SPMIP6: variants seen among roughly 807,000 people sequenced by gnomAD.
The protein encoded by SPMIP6 is ciliated bronchial epithelial protein 1.
At chr9:34,383,489 A>C in the SPMIP6 span, among the ~76,000 whole-genome samples, 1 of 152,188 alleles carries the variant, frequency 6.6e-6, no homozygotes, top group African/African-American at 2.4e-5. Context: ...ATGCCACTGC[A>C]CTCCAGCCTG....
chr9:34,397,673 A>C, the SPMIP6 span: 1 of 1,542,856 alleles, frequency 6.5e-7, no homozygotes, highest in Admixed American at 1.9e-5. Flanking sequence ...TCTACCTGTC[A>C]AGGGCTCCTG....
At chr9:34,381,089 T>G in the SPMIP6 span, 1 of 1,610,142 alleles carries the variant, frequency 6.2e-7, no homozygotes, top group African/African-American at 1.3e-5. The surrounding 1 kb of genome is among the most constrained non-coding windows in gnomAD (Gnocchi z 4.4). Context: ...CAGCTGCTGG[T>G]TCCGCGACAG....
chr9:34,384,039 A>AAC, the SPMIP6 span, among the ~76,000 whole-genome samples: 1 of 152,164 alleles, frequency 6.6e-6, no homozygotes, highest in Non-Finnish European at 1.5e-5. Flanking sequence ...TCCATGATCC[A>AAC]ACAGTCTGAA....
chr9:34,386,123 T>C, the SPMIP6 span, among the ~76,000 whole-genome samples: 1 of 152,146 alleles, frequency 6.6e-6, no homozygotes, highest in Admixed American at 6.5e-5. Flanking sequence ...TCCTAGACTG[T>C]ATGCTGCCTG....
chr9:34,379,610 T>G, the SPMIP6 span: 16 of 1,575,436 alleles, frequency 1.0e-5, no homozygotes, highest in Non-Finnish European at 1.3e-5. This position sits in a 1 kb window ranked among gnomAD's most constrained non-coding sequence, Gnocchi z 4.2. Flanking sequence ...GCCTTCAGGG[T>G]GCGTGTGCAA....
the SPMIP6 span, chr9:34,381,201 C>A: frequency 1.3e-6 from 2 of 1,556,204 alleles, no homozygotes; most frequent in Non-Finnish European, 1.7e-6. This position sits in a 1 kb window ranked among gnomAD's most constrained non-coding sequence, Gnocchi z 4.4. Context: ...GGCCGAGTCA[C>A]GGACAGAGTG....
chr9:34,395,472 T>C, the SPMIP6 span, among the ~76,000 whole-genome samples: 1 of 152,194 alleles, frequency 6.6e-6, no homozygotes, highest in African/African-American at 2.4e-5. Context: ...TCTGTCTTCT[T>C]TTATGGCTTT....
the SPMIP6 span, among the ~76,000 whole-genome samples, chr9:34,391,036 G>A: frequency 1.3e-5 from 2 of 152,226 alleles, no homozygotes; most frequent in South Asian, 2.1e-4. Flanking sequence ...ACTGTTCTTC[G>A]AGCATTTGAG....
At chr9:34,381,871 C>T in the SPMIP6 span, 2 of 787,816 alleles carry the variant, frequency 2.5e-6, no homozygotes, top group South Asian at 5.7e-5. The surrounding 1 kb of genome is among the most constrained non-coding windows in gnomAD (Gnocchi z 4.4). Context: ...CAGGGTCAGC[C>T]ATCAGCCTGC....
chr9:34,396,487 C>T, the SPMIP6 span, among the ~76,000 whole-genome samples: 2 of 152,170 alleles, frequency 1.3e-5, no homozygotes, highest in Non-Finnish European at 2.9e-5. Flanking sequence ...TGGCCTAACT[C>T]ACAATTGAAC....
At chr9:34,379,465 C>T in the SPMIP6 span, among the ~76,000 whole-genome samples, 1 of 152,228 alleles carries the variant, frequency 6.6e-6, no homozygotes, top group Non-Finnish European at 1.5e-5. This position sits in a 1 kb window ranked among gnomAD's most constrained non-coding sequence, Gnocchi z 4.2. Flanking sequence ...CTAGCCCTCT[C>T]TTAAGGTCCT....
chr9:34,380,978 C>A, the SPMIP6 span: 2 of 1,608,760 alleles, frequency 1.2e-6, no homozygotes, highest in East Asian at 2.2e-5. Context: ...GTCCATCCCG[C>A]GCAGACAGTA....
the SPMIP6 span, among the ~76,000 whole-genome samples, chr9:34,391,839 G>A: frequency 6.6e-6 from 1 of 151,892 alleles, no homozygotes; most frequent in Non-Finnish European, 1.5e-5. Flanking sequence ...TTGGGTTCAG[G>A]GCTTTATTTA....
the SPMIP6 span, chr9:34,379,667 T>C: frequency 6.2e-7 from 1 of 1,614,112 alleles, no homozygotes; most frequent in Non-Finnish European, 8.5e-7. The surrounding 1 kb of genome is among the most constrained non-coding windows in gnomAD (Gnocchi z 4.2). Context: ...ATATGGGTAG[T>C]ATGACGGCGG....
the SPMIP6 span, among the ~76,000 whole-genome samples, chr9:34,389,627 G>T: frequency 2.6e-5 from 4 of 152,140 alleles, no homozygotes; most frequent in South Asian, 8.3e-4. Context: ...CAATCTGCCT[G>T]CCTCAGCCTC....
the SPMIP6 span, among the ~76,000 whole-genome samples, chr9:34,395,592 T>C: frequency 2.0e-5 from 3 of 152,238 alleles, no homozygotes; most frequent in South Asian, 2.1e-4. Context: ...ACCCACCATT[T>C]ATATGATGAT....
the SPMIP6 span, among the ~76,000 whole-genome samples, chr9:34,391,331 A>C: frequency 6.6e-6 from 1 of 152,008 alleles, no homozygotes; most frequent in Non-Finnish European, 1.5e-5. Context: ...TGTCTATTTT[A>C]TGAGCCTCAT....
At chr9:34,397,275 C>A in the SPMIP6 span, among the ~76,000 whole-genome samples, 1 of 152,164 alleles carries the variant, frequency 6.6e-6, no homozygotes, top group East Asian at 1.9e-4. Context: ...TTATAAAACT[C>A]ATGTTTATTT....
the SPMIP6 span, chr9:34,379,709 C>A: frequency 2.5e-6 from 4 of 1,614,048 alleles, no homozygotes; most frequent in Non-Finnish European, 3.4e-6. This position sits in a 1 kb window ranked among gnomAD's most constrained non-coding sequence, Gnocchi z 4.2. Context: ...CATTCCGGGC[C>A]GGTGCTCGTA....
Sources: allele counts gnomAD v4.1 joint callset (sites outside exome capture counted in the v4.1 genomes callset), GRCh38; gene constraint gnomAD v4.1.1; non-coding constraint Gnocchi (gnomAD v3.1); transcripts MANE v1.5; gene names NCBI Gene and HGNC (gene_info 2026-07-23, HGNC 2026-07-21).